Variants in LIN54 observed in about 807,000 individuals in gnomAD.
The protein encoded by LIN54 is protein lin-54 homolog.
LIN54 carries 9 observed loss-of-function variants against 78.7 expected under a neutral mutation model. The observed-to-expected ratio is 0.11, with a 90% CI of 0.07 to 0.20. LIN54 has a LOEUF of 0.20. Ranked by LOEUF, LIN54 falls within the 10% of genes least tolerant of loss-of-function variation. LIN54 has a pLI of 1.00. For synonymous variants in LIN54, 269 were observed against 318.4 expected, an observed-to-expected ratio of 0.84 and a Z score of 1.65; for missense variants, 573 against 889.9, an observed-to-expected ratio of 0.64 and a Z score of 4.53.
intron 4 of LIN54, among the ~76,000 whole-genome samples, chr4:82,954,453 G>T (rs1472859056): frequency 2.0e-5 from 3 of 150,188 alleles, no homozygotes; most frequent in Non-Finnish European, 4.4e-5. Context: ...AGTCTCACTG[G>T]GTCTTCCAGG....
intron 4 of LIN54, among the ~76,000 whole-genome samples, chr4:82,952,029 G>A (rs1667575516): frequency 4.6e-5 from 7 of 152,062 alleles, no homozygotes. Flanking sequence ...AAAACTCTTA[G>A]AAGAAAACAG....
chr4:82,947,235 A>ATATATATATATATTTTTTTTTTTT, intron 4 of LIN54, among the ~76,000 whole-genome samples: 2 of 44,292 alleles, frequency 4.5e-5, no homozygotes, highest in African/African-American at 2.0e-4. Context: ...ATATATATAT[A>ATATATATATATATTTTTTTTTTTT]TTTTTTTTTT....
At chr4:82,966,911 G>C (rs184414743) in intron 4 of LIN54, among the ~76,000 whole-genome samples, 1 of 149,002 alleles carries the variant, frequency 6.7e-6, no homozygotes, top group Non-Finnish European at 1.5e-5. Context: ...ACCCAGCCCC[G>C]ACATCTGAAT....
chr4:83,001,157 C>T (rs1728730012), intron 1 of LIN54, among the ~76,000 whole-genome samples: 3 of 152,124 alleles, frequency 2.0e-5, no homozygotes, highest in Non-Finnish European at 4.4e-5. Context: ...TGTGTCTAGA[C>T]ATTGTGCATG....
chr4:82,930,348 A>G (rs1397826475), intron 12 of LIN54, among the ~76,000 whole-genome samples: 2 of 152,220 alleles, frequency 1.3e-5, no homozygotes, highest in African/African-American at 2.4e-5. Flanking sequence ...CACTGGAGAT[A>G]TTATAGACAT....
chr4:82,963,067 G>A (rs868648975), intron 4 of LIN54, among the ~76,000 whole-genome samples: 1 of 151,534 alleles, frequency 6.6e-6, no homozygotes, highest in Non-Finnish European at 1.5e-5. Flanking sequence ...TAGTCCAAAC[G>A]CAGAAATCCA....
At position 82,928,022 on chromosome 4, in the gene LIN54, T is replaced by C; in HGVS notation, c.*80A>G. 1 of 1,179,510 alleles carries C rather than the reference T, an allele frequency of 8.5e-7. No individual in the cohort carries two copies. The highest frequency in any genetic ancestry group is 1.8e-5 in the Admixed American group (1 of 55,310). 73.1% of individuals were successfully genotyped at this position (1,179,510 alleles called of 1,614,324 possible). A position where few individuals can be genotyped will look rare whatever the true frequency, so the allele number is the denominator to read the frequency against. On this transcript the variant is annotated 3_prime_UTR_variant, in exon 13 of 13. Coordinates refer to ENST00000340417, the MANE Select transcript of LIN54 (RefSeq NM_194282.4). ...AAGGACTGAATTAAAATACAGTAAT[T>C]GTTTTTCTTCCAGAAAATCAAGTGT...
At chr4:82,961,933 G>T (rs1166855893) in intron 4 of LIN54, among the ~76,000 whole-genome samples, 1 of 150,258 alleles carries the variant, frequency 6.7e-6, no homozygotes, top group African/African-American at 2.5e-5. Context: ...TCCAGTCTGG[G>T]CAACAGAGTG....
intron 5 of LIN54, 87 bp from the exon 6 acceptor site, chr4:82,940,049 A>C: frequency 7.8e-6 from 7 of 893,266 alleles, no homozygotes; most frequent in Non-Finnish European, 1.1e-5. Context: ...CTCCCAAGTT[A>C]TTCTCATAAA....
chr4:82,941,170 A>ATATATG (rs1235197641), intron 5 of LIN54, among the ~76,000 whole-genome samples: 1 of 149,444 alleles, frequency 6.7e-6, no homozygotes, highest in African/African-American at 2.5e-5. Context: ...ATATATATAT[A>ATATATG]TATATCGTTG....
At chr4:83,005,842 C>T (rs1429093361) in intron 1 of LIN54, among the ~76,000 whole-genome samples, 4 of 152,064 alleles carry the variant, frequency 2.6e-5, no homozygotes, top group South Asian at 2.1e-4. Flanking sequence ...ACATGGTCAT[C>T]GCAGCACTAC....
intron 11 of LIN54, among the ~76,000 whole-genome samples, chr4:82,931,838 C>T (rs920943492): frequency 6.6e-6 from 1 of 152,134 alleles, no homozygotes; most frequent in Non-Finnish European, 1.5e-5. Context: ...TCTTACAACT[C>T]ATGGAATCCC....
intron 4 of LIN54, among the ~76,000 whole-genome samples, chr4:82,956,453 A>C (rs906525742): frequency 6.6e-6 from 1 of 151,920 alleles, no homozygotes; most frequent in African/African-American, 2.4e-5. Context: ...AGGCAGACAA[A>C]TCATTTGAGC....
chr4:82,953,899 C>T (rs1724061477), intron 4 of LIN54, among the ~76,000 whole-genome samples: 1 of 151,994 alleles, frequency 6.6e-6, no homozygotes, highest in Admixed American at 6.6e-5. Context: ...ACGATCGCAC[C>T]ACTGCACTCC....
At chr4:82,995,137 A>G (rs1728078946) in intron 1 of LIN54, among the ~76,000 whole-genome samples, 2 of 151,850 alleles carry the variant, frequency 1.3e-5, no homozygotes, top group African/African-American at 4.8e-5. Context: ...CTACAAAAAA[A>G]TAATTTTTAA....
At chr4:82,960,131 A>G (rs1359013394) in intron 4 of LIN54, among the ~76,000 whole-genome samples, 5 of 152,146 alleles carry the variant, frequency 3.3e-5, no homozygotes, top group Non-Finnish European at 5.9e-5. Flanking sequence ...AATGGTTAGG[A>G]AAAATGTTTT....
chr4:82,935,858 C>G lies in LIN54; in HGVS notation c.1845+123G>C, dbSNP rs1208925749. 1.1e-4 allele frequency: 102 copies of G among 952,300 alleles called. No homozygotes were observed. In the East Asian group the frequency reaches 1.2e-3, roughly 12 times the overall value. 59.0% of individuals were successfully genotyped at this position (952,300 alleles called of 1,614,324 possible). A position where few individuals can be genotyped will look rare whatever the true frequency, so the allele number is the denominator to read the frequency against. On this transcript the variant is annotated intron_variant, in intron 11 of 12. Coordinates refer to ENST00000340417, the MANE Select transcript of LIN54 (RefSeq NM_194282.4). The stretch of plus-strand genomic sequence containing the variant: ...CTTCCTAAAACAAGGGCCTTTGCAC[C>G]AACTGTGCATATTTTCAAATTGCAA...
chr4:82,975,322 T>C (rs1040157519), intron 3 of LIN54, among the ~76,000 whole-genome samples: 1 of 146,560 alleles, frequency 6.8e-6, no homozygotes, highest in Non-Finnish European at 1.5e-5. Flanking sequence ...GGTGACAGAG[T>C]GAAACTGCAT....
At chr4:82,941,634 T>C (rs1722905384) in intron 5 of LIN54, among the ~76,000 whole-genome samples, 1 of 152,154 alleles carries the variant, frequency 6.6e-6, no homozygotes, top group Non-Finnish European at 1.5e-5. Context: ...AATGAGGGTC[T>C]GATCTGGAGT....
Sources: gnomAD v4.1 joint callset for allele counts (sites outside exome capture counted in the v4.1 genomes callset) on GRCh38, gnomAD v4.1.1 for gene constraint, MANE v1.5 for transcripts, NCBI Gene and HGNC (gene_info 2026-07-23, HGNC 2026-07-21) for gene names.